DNAH14: variants seen among roughly 807,000 people sequenced by gnomAD.
DNAH14 encodes axonemal beta dynein heavy chain 14.
A neutral mutation model predicts 520.9 loss-of-function variants in DNAH14; 478 were observed. That is an observed-to-expected ratio of 0.92 (90% confidence interval 0.85 to 0.99). The LOEUF (loss-of-function observed/expected upper bound fraction) is 0.99. Ranked by LOEUF, DNAH14 falls within the 50% of genes least tolerant of loss-of-function variation. DNAH14 has a pLI of 0.00. For missense variants in DNAH14, 4,831 were observed against 5,234.5 expected (o/e 0.92, Z 2.38); for synonymous variants, 1,581 against 1,757.2 (o/e 0.90, Z 2.51).
chr1:225,118,605 G>T (rs1386579868), intron 25 of DNAH14, among the ~76,000 whole-genome samples: 3 of 152,078 alleles, frequency 2.0e-5, no homozygotes, highest in Non-Finnish European at 4.4e-5. Flanking sequence ...GAGGAAGGCC[G>T]GGTGCAGTGG....
At chr1:225,095,554 T>C (rs1265756764) in intron 21 of DNAH14, among the ~76,000 whole-genome samples, 1 of 152,142 alleles carries the variant, frequency 6.6e-6, no homozygotes, top group Non-Finnish European at 1.5e-5. Context: ...GTGTGCTATG[T>C]TATTACCTGG....
At position 225,100,879 on chromosome 1, in the gene DNAH14, C is replaced by G; in HGVS notation, c.3862C>G (p.Leu1288Val). ...NIHLEHIKKS[L>V]EDYLEVKRLI... ...ACATCTTGAACATATAAAGAAAAGC[C>G]TTGAGGTAAAACTATAGCAATTCTA... The change falls in exon 23 of 86, where the codon CTT (leucine) becomes GTT (valine). Residue 1288 changes from leucine (L) to valine (V), a missense_variant. Transcript: ENST00000682510. The G allele has an allele frequency of 2.0e-6, 3 of 1,495,928 alleles. No individual in the cohort carries two copies. In the South Asian group the frequency reaches 4.2e-5, roughly 21 times the overall value. The allele number at this position is 1,495,928 out of a possible 1,614,324, so 92.7% of individuals were successfully genotyped here. A position where few individuals can be genotyped will look rare whatever the true frequency, so the allele number is the denominator to read the frequency against.
At chr1:225,257,167 G>C (rs635851) in intron 44 of DNAH14, among the ~76,000 whole-genome samples, 30,153 of 152,160 alleles carry the variant, frequency 0.2, 3,133 homozygotes, top group East Asian at 0.37. Flanking sequence ...GTCCACCATA[G>C]ACTGCATCAC....
chr1:225,294,870 A>T (rs1353666593), intron 55 of DNAH14, among the ~76,000 whole-genome samples: 1 of 151,404 alleles, frequency 6.6e-6, no homozygotes, highest in Non-Finnish European at 1.5e-5. Flanking sequence ...GCCATCCAGT[A>T]GTGGATTTTT....
chr1:225,307,634 A>G, intron 59 of DNAH14, 65 bp downstream of exon 59: 1 of 1,242,612 alleles, frequency 8.0e-7, no homozygotes, highest in Non-Finnish European at 1.1e-6. Context: ...GTTTGAAAGC[A>G]AAGGCTCTGA....
chr1:225,300,661 T>C (rs2094120921), intron 55 of DNAH14, among the ~76,000 whole-genome samples: 1 of 151,546 alleles, frequency 6.6e-6, no homozygotes, highest in African/African-American at 2.4e-5. Flanking sequence ...GCCATGACTA[T>C]GCCACTGTAC....
chr1:225,211,984 G>A (rs1316110814), intron 41 of DNAH14, among the ~76,000 whole-genome samples: 1 of 151,504 alleles, frequency 6.6e-6, no homozygotes, highest in Non-Finnish European at 1.5e-5. Context: ...GTATACATGT[G>A]CCTTGTTGGT....
At chr1:225,023,592 C>T in intron 10 of DNAH14, 23 bp from the exon 11 acceptor site, 2 of 1,480,870 alleles carry the variant, frequency 1.4e-6, no homozygotes, top group Non-Finnish European at 1.8e-6. Flanking sequence ...ATACTTGTTT[C>T]TCAATTGTTT....
At chr1:225,031,940 TA>T (rs1411941584) in intron 11 of DNAH14, among the ~76,000 whole-genome samples, 1 of 152,060 alleles carries the variant, frequency 6.6e-6, no homozygotes, top group African/African-American at 2.4e-5. Context: ...TCAGTTGCAG[TA>T]ATGCTGGGAA....
At chr1:225,208,721 C>A (rs2087933801) in intron 41 of DNAH14, among the ~76,000 whole-genome samples, 2 of 152,072 alleles carry the variant, frequency 1.3e-5, no homozygotes, top group African/African-American at 4.8e-5. Flanking sequence ...AAAACCCACA[C>A]CTAGAAATGT....
At chr1:225,164,541 T>C (rs566187999) in intron 35 of DNAH14, among the ~76,000 whole-genome samples, 1 of 152,310 alleles carries the variant, frequency 6.6e-6, no homozygotes, top group African/African-American at 2.4e-5. Context: ...ACTGTTATTA[T>C]TGAATTTATT....
chr1:225,166,845 C>T (rs191435216), intron 35 of DNAH14, among the ~76,000 whole-genome samples: 20 of 152,254 alleles, frequency 1.3e-4, no homozygotes, highest in African/African-American at 4.1e-4. Flanking sequence ...TATACAGCCA[C>T]GAATATTTTA....
intron 23 of DNAH14, among the ~76,000 whole-genome samples, chr1:225,114,953 T>C (rs2076759442): frequency 6.6e-6 from 1 of 152,216 alleles, no homozygotes; most frequent in East Asian, 1.9e-4. Flanking sequence ...TGCTTACCTT[T>C]GTATGAAGAT....
At position 225,084,809 on chromosome 1, in the gene DNAH14, C is replaced by A. The variant is rs1186802691; in HGVS notation, c.3328-735C>A. ...ACTTGACAAGGCTAGATTCACTTCA[C>A]TGAAATTTTGCTTTACACATTATCA... is the stretch of plus-strand genomic sequence containing the variant. On this transcript the variant is annotated intron_variant, in intron 20 of 85. Transcript: ENST00000682510. 1.8e-3 allele frequency among the ~76,000 whole-genome samples: 25 copies of A among 13,730 alleles called. 7 individuals carry two copies. The East Asian group carries it at 0.041, about 23-fold the overall frequency. The allele number at this position is 13,730 out of a possible 152,430, so 9.0% of individuals were successfully genotyped here. A position where few individuals can be genotyped will look rare whatever the true frequency, so the allele number is the denominator to read the frequency against.
chr1:225,111,522 T>C (rs1168690879), intron 23 of DNAH14, among the ~76,000 whole-genome samples: 1 of 152,118 alleles, frequency 6.6e-6, no homozygotes, highest in African/African-American at 2.4e-5. Context: ...TATGTGTGCC[T>C]TTATAGGTGA....
rs143253612 is a variant in DNAH14 at position 224,977,425 on chromosome 1, C to G, written c.830+3272C>G. Among the ~76,000 whole-genome samples, 765 of 152,202 alleles carry G rather than the reference C, an allele frequency of 5.0e-3. 6 individuals carry two copies. Among genetic ancestry groups the G allele is most frequent in the African/African-American group, 0.017 (722 of 41,538 alleles). On this transcript the variant is annotated intron_variant, in intron 8 of 85. Transcript: ENST00000682510. ...ATGGGTGCAGCACACCGGCATGGCA[C>G]ACGTATACATATGTAACTAACGTGC...
intron 35 of DNAH14, 118 bp from the exon 36 acceptor site, chr1:225,167,821 A>C: frequency 3.8e-6 from 2 of 524,634 alleles, no homozygotes; most frequent in Non-Finnish European, 6.5e-6. Context: ...CTAAAAAATC[A>C]AGAATTACTA....
At chr1:224,997,498 T>A (rs1425120388) in intron 8 of DNAH14, among the ~76,000 whole-genome samples, 1 of 152,100 alleles carries the variant, frequency 6.6e-6, no homozygotes, top group African/African-American at 2.4e-5. Context: ...TCCATGCAGC[T>A]TTCTCAGGCC....
chr1:225,305,261 A>G (rs2094216774), intron 58 of DNAH14, among the ~76,000 whole-genome samples, 172 bp downstream of exon 58: 1 of 152,218 alleles, frequency 6.6e-6, no homozygotes, highest in Non-Finnish European at 1.5e-5. Flanking sequence ...GTGTGCCTTC[A>G]AAGGCCGCCC....
Sources: gnomAD v4.1 joint callset for allele counts (sites outside exome capture counted in the v4.1 genomes callset) on GRCh38, gnomAD v4.1.1 for gene constraint, MANE v1.5 for transcripts, NCBI Gene and HGNC (gene_info 2026-07-23, HGNC 2026-07-21) for gene names.